CUL5: variants seen among roughly 807,000 people sequenced by gnomAD.
CUL5 encodes cullin 5.
Under a neutral mutation model 108.8 loss-of-function variants are expected in CUL5, and 26 were observed. The observed-to-expected ratio is 0.24, with a 90% CI of 0.18 to 0.33. The LOEUF (loss-of-function observed/expected upper bound fraction) is 0.33. Ranked by LOEUF, CUL5 falls within the 10% of genes least tolerant of loss-of-function variation. The pLI is 1.00. For missense variants in CUL5, 524 were observed against 909.2 expected, an observed-to-expected ratio of 0.58 and a Z score of 5.45; for synonymous variants, 334 against 298.0, an observed-to-expected ratio of 1.12 and a Z score of -1.25.
intron 1 of CUL5, among the ~76,000 whole-genome samples, chr11:108,013,881 C>T (rs1029182209): frequency 2.6e-5 from 4 of 152,016 alleles, no homozygotes; most frequent in Admixed American, 2.6e-4. Flanking sequence ...GTAGCAAGAC[C>T]CTGTCTCTAT....
At chr11:108,021,830 T>A (rs1374306773) in intron 1 of CUL5, among the ~76,000 whole-genome samples, 1 of 151,512 alleles carries the variant, frequency 6.6e-6, no homozygotes, top group African/African-American at 2.4e-5. Context: ...TATTTATTTT[T>A]CAGAGACAGG....
chr11:108,034,109 C>T, intron 2 of CUL5, among the ~76,000 whole-genome samples, 198 bp downstream of exon 2: 1 of 152,138 alleles, frequency 6.6e-6, no homozygotes, highest in Non-Finnish European at 1.5e-5. Context: ...TACAATCATA[C>T]TCACAGCTTT....
chr11:108,045,400 T>C (rs1360571825), intron 2 of CUL5, among the ~76,000 whole-genome samples: 1 of 152,218 alleles, frequency 6.6e-6, no homozygotes, highest in Admixed American at 6.5e-5. Flanking sequence ...AAGCCCAGAC[T>C]GGGCAACATA....
In CUL5 at chr11:108,046,241, ATGTT is replaced by A. The variant is rs764119631; in HGVS notation, c.135-23_135-20del. 5 of 1,431,906 alleles carry A rather than the reference ATGTT, an allele frequency of 3.5e-6. No homozygotes were observed. The South Asian group carries it at 6.0e-5, about 17-fold the overall frequency. The allele number at this position is 1,431,906 out of a possible 1,614,324, so 88.7% of individuals were successfully genotyped here. On this transcript the variant is annotated intron_variant, in intron 2 of 18. Coordinates refer to ENST00000393094, the MANE Select transcript of CUL5 (RefSeq NM_003478.6). ...TTGTTCAGTTCTTGTTTCATTATTA[ATGTT>A]TGTTTACCTACTTTATATTCACAGG...
rs986141863 is a variant in CUL5 at position 108,105,367 on chromosome 11, A to G, written c.*983A>G. On this transcript the variant is annotated 3_prime_UTR_variant, in exon 19 of 19. Coordinates refer to ENST00000393094, the MANE Select transcript of CUL5 (RefSeq NM_003478.6). ...ATCTCTTAATCTGTAGCATAGAAGT[A>G]TTTTGGTATTTTAAGGTCTCATGAT... 7 of 152,602 alleles carry G rather than the reference A, an allele frequency of 4.6e-5. No homozygotes were observed. Among genetic ancestry groups the G allele is most frequent in the African/African-American group, 7.2e-5 (3 of 41,562 alleles). 9.5% of individuals were successfully genotyped at this position (152,602 alleles called of 1,614,324 possible).
intron 13 of CUL5, among the ~76,000 whole-genome samples, chr11:108,093,750 C>T (rs1227399849): frequency 6.6e-6 from 1 of 152,130 alleles, no homozygotes; most frequent in African/African-American, 2.4e-5. Flanking sequence ...TTCTGTTGCC[C>T]AGGCTGGAGC....
chr11:108,040,069 G>C (rs1028135713), intron 2 of CUL5, among the ~76,000 whole-genome samples: 5 of 152,206 alleles, frequency 3.3e-5, no homozygotes, highest in African/African-American at 1.2e-4. Context: ...TGTCGCTTCT[G>C]TCTGCCTCCT....
Position 108,065,012 on chromosome 11 carries a change from T to A in CUL5, c.781-5084T>A, listed in dbSNP as rs535734145. ...TGTTGGGAGAAATTTTATTTCATTT[T>A]ATTTATTTAATTAATTAATTAATTT... On this transcript the variant is annotated intron_variant, in intron 7 of 18. Transcript: ENST00000393094. Among the ~76,000 whole-genome samples the A allele has an allele frequency of 1.1e-3, 174 of 152,128 alleles. 2 individuals carry two copies. In the Middle Eastern group the frequency reaches 0.027, roughly 24 times the overall value.
At position 108,046,262 on chromosome 11, in the gene CUL5, A is replaced by G; in HGVS notation, c.135-8A>G. The G allele has an allele frequency of 3.2e-6, 5 of 1,578,444 alleles. No individual in the cohort carries two copies. The highest frequency in any genetic ancestry group is 2.3e-5 in the South Asian group (2 of 87,532). ...ATTAATGTTTGTTTACCTACTTTAT[A>G]TTCACAGGGATGTGCATGCAGTCTG... On this transcript the variant is annotated splice_polypyrimidine_tract_variant and splice_region_variant and intron_variant, in intron 2 of 18. Transcript: ENST00000393094.
chr11:108,010,868 G>A (rs1183865216), intron 1 of CUL5, among the ~76,000 whole-genome samples: 4 of 152,194 alleles, frequency 2.6e-5, no homozygotes, highest in Admixed American at 2.6e-4. Context: ...AGAGGCCAAG[G>A]TGGGAGGATT....
Position 108,104,480 on chromosome 11 carries a change from T to G in CUL5, c.*96T>G, listed in dbSNP as rs184244610. ...GCTGGAGAAAGGTTTATTTGGACTTTGATTACATAAATATTAAAATCTCTG... is the reference window on the plus strand; with the variant it reads ...GCTGGAGAAAGGTTTATTTGGACTTGGATTACATAAATATTAAAATCTCTG... On this transcript the variant is annotated 3_prime_UTR_variant, in exon 19 of 19. Coordinates refer to ENST00000393094, the MANE Select transcript of CUL5 (RefSeq NM_003478.6). 1.1e-3 allele frequency: 795 copies of G among 734,964 alleles called. 3 individuals are homozygous for G. The African/African-American group carries it at 0.013, about 12-fold the overall frequency. 45.5% of individuals were successfully genotyped at this position (734,964 alleles called of 1,614,324 possible).
At chr11:108,022,270 A>G (rs895406732) in intron 1 of CUL5, among the ~76,000 whole-genome samples, 8 of 152,140 alleles carry the variant, frequency 5.3e-5, no homozygotes. Context: ...CATTTGTATT[A>G]TTTTGTTGTA....
chr11:108,042,938 T>G (rs938175127), intron 2 of CUL5, among the ~76,000 whole-genome samples: 6 of 152,080 alleles, frequency 3.9e-5, no homozygotes, highest in Admixed American at 1.3e-4. Flanking sequence ...AATTTTTGTA[T>G]TTTTAGTAGA....
rs1015563606 is a variant in CUL5 at position 108,018,270 on chromosome 11, A to G, written c.24+8898A>G. Among the ~76,000 whole-genome samples, 8 of 152,254 alleles carry G rather than the reference A, an allele frequency of 5.3e-5. No homozygotes were observed. The South Asian group carries it at 1.4e-3, about 28-fold the overall frequency. ...TTTAAAAGGTTGCTGTGGCTGGAAC[A>G]TAGAATTGCAGTAGTAAGAATTACT... On this transcript the variant is annotated intron_variant, in intron 1 of 18. Coordinates refer to ENST00000393094, the MANE Select transcript of CUL5 (RefSeq NM_003478.6).
At chr11:108,078,002 A>G (rs1591319759) in intron 10 of CUL5, among the ~76,000 whole-genome samples, 174 bp from the exon 11 acceptor site, 2 of 152,200 alleles carry the variant, frequency 1.3e-5, no homozygotes, top group Admixed American at 1.3e-4. Context: ...GAGAATATTG[A>G]TAATTATAAT....
rs555867689 is a variant in CUL5, at chr11:108,094,628, C to G, written c.1567+114C>G. The G allele has an allele frequency of 2.8e-5, 22 of 798,012 alleles. No individual in the cohort carries two copies. In the African/African-American group the frequency reaches 3.5e-4, roughly 13 times the overall value. 49.4% of individuals were successfully genotyped at this position (798,012 alleles called of 1,614,324 possible). A position where few individuals can be genotyped will look rare whatever the true frequency, so the allele number is the denominator to read the frequency against. On this transcript the variant is annotated intron_variant, in intron 14 of 18. Coordinates refer to ENST00000393094, the MANE Select transcript of CUL5 (RefSeq NM_003478.6). ...ATAGATCGAAAGATGTTATGAAGTC[C>G]ATTTCCGTGGAGACAGCTATCAAAG...
At chr11:108,060,691 C>A (rs760491860) in intron 7 of CUL5, among the ~76,000 whole-genome samples, 1 of 151,880 alleles carries the variant, frequency 6.6e-6, no homozygotes, top group African/African-American at 2.4e-5. Flanking sequence ...CAAAAAATTA[C>A]CCGGGCATGG....
chr11:108,058,080 G>A (rs1056378843), intron 7 of CUL5, among the ~76,000 whole-genome samples: 1 of 151,074 alleles, frequency 6.6e-6, no homozygotes, highest in African/African-American at 2.4e-5. Context: ...GTGGTGGCGT[G>A]CACCTGTAAT....
chr11:108,104,474 G>T lies in CUL5; in HGVS notation c.*90G>T. ...GTTTGTGCTGGAGAAAGGTTTATTT[G>T]GACTTTGATTACATAAATATTAAAA... On this transcript the variant is annotated 3_prime_UTR_variant, in exon 19 of 19. Coordinates refer to ENST00000393094, the MANE Select transcript of CUL5 (RefSeq NM_003478.6). 1.3e-6 allele frequency: 1 copy of T among 767,450 alleles called. No individual in the cohort carries two copies. The highest frequency in any genetic ancestry group is 2.0e-6 in the Non-Finnish European group (1 of 488,804). The allele number at this position is 767,450 out of a possible 1,614,324, so 47.5% of individuals were successfully genotyped here.
Sources: gnomAD v4.1 joint callset for allele counts (sites outside exome capture counted in the v4.1 genomes callset) on GRCh38, gnomAD v4.1.1 for gene constraint, MANE v1.5 for transcripts, NCBI Gene and HGNC (gene_info 2026-07-23, HGNC 2026-07-21) for gene names.